MRTFA: variants seen among roughly 807,000 people sequenced by gnomAD.
The protein encoded by MRTFA is myocardin-related transcription factor A.
Under a neutral mutation model 83.5 loss-of-function variants are expected in MRTFA, and 20 were observed. The observed-to-expected ratio is 0.24, with a 90% CI of 0.17 to 0.35. The LOEUF (loss-of-function observed/expected upper bound fraction) is 0.35, where lower values mean the gene tolerates loss of function less well. Among genes scored for constraint, MRTFA ranks in the 10% least tolerant of loss-of-function variants. MRTFA has a pLI of 1.00. For missense variants in MRTFA, 1,200 were observed against 1,224.7 expected (o/e 0.98, Z 0.30); for synonymous variants, 659 against 541.2 (o/e 1.22, Z -3.02).
At chr22:40,587,558 G>C (rs1341998186) in intron 2 of MRTFA, 1 of 298,478 alleles carries the variant, frequency 3.4e-6, no homozygotes, top group East Asian at 9.9e-5. Context: ...AAAAGTTCAG[G>C]AACTTCCTTA....
intron 3 of MRTFA, among the ~76,000 whole-genome samples, chr22:40,482,645 A>G (rs2054110123): frequency 6.6e-6 from 1 of 152,190 alleles, no homozygotes; most frequent in Non-Finnish European, 1.5e-5. Context: ...CACCAAGAAC[A>G]GCATTTTCCT....
At chr22:40,545,657 T>C (rs1443010532) in intron 3 of MRTFA, among the ~76,000 whole-genome samples, 1 of 151,822 alleles carries the variant, frequency 6.6e-6, no homozygotes, top group Non-Finnish European at 1.5e-5. Flanking sequence ...GGTCTCAAAC[T>C]CCTGACCTCA....
chr22:40,412,085 A>G (rs1602189712), intron 14 of MRTFA, 178 bp from the exon 15 acceptor site: 1 of 479,362 alleles, frequency 2.1e-6, no homozygotes, highest in Admixed American at 4.3e-5. Context: ...TGCAAATCAC[A>G]TATTTGATAA....
At chr22:40,522,287 G>A (rs1361458777) in intron 3 of MRTFA, 1 of 152,132 alleles carries the variant, frequency 6.6e-6, no homozygotes, top group African/African-American at 2.4e-5. Flanking sequence ...ACATAATCCT[G>A]CCATTTCAGT....
intron 3 of MRTFA, among the ~76,000 whole-genome samples, chr22:40,517,999 T>G (rs919688921): frequency 5.9e-5 from 9 of 152,242 alleles, no homozygotes; most frequent in Non-Finnish European, 8.8e-5. Flanking sequence ...GCTTCCAGAC[T>G]GATAAACCCA....
intron 3 of MRTFA, 108 bp from the exon 4 acceptor site, chr22:40,463,394 T>C (rs1041678910): frequency 5.6e-6 from 5 of 891,724 alleles, no homozygotes; most frequent in Non-Finnish European, 7.3e-6. Flanking sequence ...GGATGTAGTG[T>C]GAAAGAAGGG....
intron 3 of MRTFA, among the ~76,000 whole-genome samples, chr22:40,471,243 A>C (rs900497372): frequency 1.0e-4 from 15 of 148,772 alleles, no homozygotes; most frequent in African/African-American, 3.7e-4. Context: ...AAAAAAAAAA[A>C]AAAACAAGAA....
chr22:40,636,009 C>G (rs535734796), intron 1 of MRTFA, among the ~76,000 whole-genome samples: 2 of 152,194 alleles, frequency 1.3e-5, no homozygotes, highest in Non-Finnish European at 2.9e-5. Context: ...GCCCTGTACA[C>G]CTGGCAGCAT....
chr22:40,561,225 TG>T (rs2055612455), intron 2 of MRTFA, among the ~76,000 whole-genome samples: 1 of 151,604 alleles, frequency 6.6e-6, no homozygotes, highest in African/African-American at 2.4e-5. Flanking sequence ...TGTGTGTGTG[TG>T]TGTGTGTGTA....
intron 3 of MRTFA, chr22:40,519,646 C>T: frequency 7.9e-7 from 1 of 1,258,376 alleles, no homozygotes; most frequent in Non-Finnish European, 1.0e-6. Context: ...GAAATAAAAG[C>T]AATAGAATGT....
At chr22:40,631,329 T>C (rs1001917372) in intron 1 of MRTFA, among the ~76,000 whole-genome samples, 3 of 152,194 alleles carry the variant, frequency 2.0e-5, no homozygotes. Flanking sequence ...ATGATCATAA[T>C]AACCATGATA....
chr22:40,509,628 A>C (rs1373467046), intron 3 of MRTFA, among the ~76,000 whole-genome samples: 1 of 152,204 alleles, frequency 6.6e-6, no homozygotes, highest in African/African-American at 2.4e-5. Context: ...TTTATACCTG[A>C]TAGAAGCTAC....
At chr22:40,473,415 T>C (rs964134887) in intron 3 of MRTFA, among the ~76,000 whole-genome samples, 1 of 152,184 alleles carries the variant, frequency 6.6e-6, no homozygotes, top group African/African-American at 2.4e-5. Context: ...CACTTCGGCC[T>C]CCCAAAGTGC....
intron 3 of MRTFA, among the ~76,000 whole-genome samples, chr22:40,540,709 T>G (rs1294205499): frequency 7.2e-6 from 1 of 139,732 alleles, no homozygotes; most frequent in Admixed American, 8.3e-5. Context: ...TGCGTGAGGT[T>G]AAGGTTGCAG....
intron 1 of MRTFA, among the ~76,000 whole-genome samples, chr22:40,630,849 T>C (rs2056634393): frequency 6.6e-6 from 1 of 152,236 alleles, no homozygotes; most frequent in African/African-American, 2.4e-5. Flanking sequence ...ATTATAGGCA[T>C]GAGCCACAGT....
intron 4 of MRTFA, among the ~76,000 whole-genome samples, chr22:40,448,531 A>G (rs1332039730): frequency 1.3e-5 from 2 of 152,208 alleles, no homozygotes; most frequent in Non-Finnish European, 2.9e-5. Context: ...TAAATAACAG[A>G]CAACAGTGAT....
intron 14 of MRTFA, chr22:40,412,287 C>T (rs1192745837): frequency 6.3e-6 from 1 of 159,634 alleles, no homozygotes; most frequent in East Asian, 1.8e-4. Flanking sequence ...ACACCTCAAA[C>T]CCACTGGAGT....
intron 3 of MRTFA, among the ~76,000 whole-genome samples, chr22:40,541,336 A>G (rs1031730931): frequency 3.3e-5 from 5 of 152,174 alleles, no homozygotes; most frequent in Non-Finnish European, 7.4e-5. Flanking sequence ...TTCTGTGCCC[A>G]TTTCTGATTT....
At chr22:40,576,222 G>A (rs1290062332) in intron 2 of MRTFA, among the ~76,000 whole-genome samples, 1 of 151,780 alleles carries the variant, frequency 6.6e-6, no homozygotes, top group East Asian at 1.9e-4. Flanking sequence ...GTACAGACGG[G>A]GTTTTGCCAT....
Sources: allele counts gnomAD v4.1 joint callset (sites outside exome capture counted in the v4.1 genomes callset), GRCh38; gene constraint gnomAD v4.1.1; transcripts MANE v1.5; gene names NCBI Gene and HGNC (gene_info 2026-07-23, HGNC 2026-07-21).